The following PAFAH1B1 variants were observed in gnomAD, a reference collection of about 807,000 sequenced individuals.
The protein encoded by PAFAH1B1 is platelet activating factor acetylhydrolase 1b regulatory subunit 1.
PAFAH1B1 carries 2 observed loss-of-function variants against 57.5 expected under a neutral mutation model. The ratio of observed to expected loss-of-function variants is 0.03; its 90% CI spans 0.01 to 0.11. The LOEUF is 0.11. Among genes scored for constraint, PAFAH1B1 ranks in the 10% least tolerant of loss-of-function variants. The pLI is 1.00. For synonymous variants in PAFAH1B1, 152 were observed against 169.6 expected, an observed-to-expected ratio of 0.90 and a Z score of 0.81; for missense variants, 257 against 512.0, an observed-to-expected ratio of 0.50 and a Z score of 4.81.
intron 2 of PAFAH1B1, among the ~76,000 whole-genome samples, chr17:2,644,790 T>C (rs993221194): frequency 1.3e-5 from 2 of 152,178 alleles, no homozygotes; most frequent in African/African-American, 4.8e-5. Flanking sequence ...ATGCTTTGTA[T>C]GAACTCACTG....
At chr17:2,615,294 A>ACATGTGTATAATATACAACAACTG (rs1567529042) in intron 1 of PAFAH1B1, among the ~76,000 whole-genome samples, 1 of 152,224 alleles carries the variant, frequency 6.6e-6, no homozygotes, top group Admixed American at 6.5e-5. Context: ...GAATGACTGT[A>ACATGTGTATAATATACAACAACTG]CATGTGTATA....
intron 1 of PAFAH1B1, among the ~76,000 whole-genome samples, chr17:2,602,255 A>AAAAAAAAC (rs1342079426): frequency 6.6e-6 from 1 of 151,988 alleles, no homozygotes; most frequent in Non-Finnish European, 1.5e-5. Flanking sequence ...CCTACTGAAA[A>AAAAAAAAC]AAAAAACAAA....
Position 2,667,536 on chromosome 17 carries a change from CACTA to C in PAFAH1B1, c.399+342_399+345del, listed in dbSNP as rs544524439. ...TGGTGAATTTGAGAAAGTCGGGTGTCACTAACTGAGTTGATGTCAGTACATCACC... is the reference window on the plus strand; with the variant it reads ...TGGTGAATTTGAGAAAGTCGGGTGTCACTGAGTTGATGTCAGTACATCACC... On this transcript the variant is annotated intron_variant, in intron 5 of 10. Coordinates refer to ENST00000397195, the MANE Select transcript of PAFAH1B1 (RefSeq NM_000430.4). 2.8e-3 allele frequency: 915 copies of C among 327,890 alleles called. 26 individuals are homozygous for C. Among genetic ancestry groups the C allele is most frequent in the African/African-American group, 0.019 (879 of 46,152 alleles). The allele number at this position is 327,890 out of a possible 1,614,324, so 20.3% of individuals were successfully genotyped here. A position where few individuals can be genotyped will look rare whatever the true frequency, so the allele number is the denominator to read the frequency against.
intron 1 of PAFAH1B1, among the ~76,000 whole-genome samples, chr17:2,603,252 C>G (rs1253554175): frequency 6.6e-6 from 1 of 152,146 alleles, no homozygotes; most frequent in African/African-American, 2.4e-5. Context: ...TGGGCTCAAG[C>G]AGTCTTCTTG....
intron 1 of PAFAH1B1, among the ~76,000 whole-genome samples, chr17:2,618,524 A>G (rs2068376629): frequency 6.6e-6 from 1 of 152,068 alleles, no homozygotes; most frequent in African/African-American, 2.4e-5. Context: ...GGATTTAGCT[A>G]AAGACTGGAG....
chr17:2,621,605 G>GTTTTTTTTTT lies in PAFAH1B1; in HGVS notation c.-190-16493_-190-16492insTTTTTTTTTT, dbSNP rs2068421993. Among the ~76,000 whole-genome samples, 10 of 93,208 alleles carry GTTTTTTTTTT rather than the reference G, an allele frequency of 1.1e-4. 3 individuals are homozygous for GTTTTTTTTTT. The highest frequency in any genetic ancestry group is 3.5e-4 in the South Asian group (1 of 2,882). 61.1% of individuals were successfully genotyped at this position (93,208 alleles called of 152,430 possible). The stretch of plus-strand genomic sequence containing the variant: ...GCTATTCAAGCATGGTAGATAATCT[G>GTTTTTTTTTT]TCTTTTTTTTTTTTTTTTTTTTTTT... On this transcript the variant is annotated intron_variant, in intron 1 of 10. Coordinates refer to ENST00000397195, the MANE Select transcript of PAFAH1B1 (RefSeq NM_000430.4).
intron 1 of PAFAH1B1, among the ~76,000 whole-genome samples, chr17:2,606,810 CT>C (rs770011553): frequency 0.047 from 4,754 of 101,668 alleles, 826 homozygotes; most frequent in African/African-American, 0.16. Flanking sequence ...TGCCTCAGAG[CT>C]TTTTTTTTTT....
intron 2 of PAFAH1B1, among the ~76,000 whole-genome samples, chr17:2,643,315 C>T (rs972686328): frequency 1.1e-4 from 16 of 152,058 alleles, no homozygotes; most frequent in African/African-American, 3.4e-4. Flanking sequence ...AACGGGGTCT[C>T]GCTATATTGC....
intron 1 of PAFAH1B1, among the ~76,000 whole-genome samples, chr17:2,615,666 C>T (rs1190285687): frequency 6.6e-6 from 1 of 151,958 alleles, no homozygotes; most frequent in Non-Finnish European, 1.5e-5. Flanking sequence ...GTCTTGAACT[C>T]CTGACCTCAT....
chr17:2,636,634 A>G (rs2068627987), intron 1 of PAFAH1B1, among the ~76,000 whole-genome samples: 2 of 152,018 alleles, frequency 1.3e-5, no homozygotes, highest in Non-Finnish European at 1.5e-5. Flanking sequence ...CCTCACCTCA[A>G]GTGGTCTGCC....
chr17:2,670,328 C>G lies in PAFAH1B1; in HGVS notation c.565C>G (p.His189Asp). The change falls in exon 6 of 11, where the codon CAC becomes GAC. Residue 189 changes from histidine (H) to aspartate (D), a missense_variant. By Grantham distance (81) the His-to-Asp change is moderately conservative. Transcript: ENST00000397195. ...GGGCTTTGAATGCATCAGAACCATGCACGGTAAGGGGTAGAGGATAGTGCT... is the reference window on the plus strand; with the variant it reads ...GGGCTTTGAATGCATCAGAACCATGGACGGTAAGGGGTAGAGGATAGTGCT... Reference protein sequence around the residue: ...FQGFECIRTMHGHDHNVSSVA... With the variant: ...FQGFECIRTMDGHDHNVSSVA... 1.2e-6 allele frequency: 2 copies of G among 1,612,788 alleles called. No homozygotes were observed. Among genetic ancestry groups the G allele is most frequent in the South Asian group, 1.1e-5 (1 of 91,046 alleles).
At chr17:2,649,347 TGAATCACCTAA>T (rs903096547) in intron 2 of PAFAH1B1, among the ~76,000 whole-genome samples, 14 of 150,988 alleles carry the variant, frequency 9.3e-5, no homozygotes, top group Non-Finnish European at 1.8e-4. Context: ...CCGAGGCGGG[TGAATCACCTAA>T]GATAAGGAGT....
At chr17:2,652,044 G>A (rs1256426158) in intron 2 of PAFAH1B1, among the ~76,000 whole-genome samples, 1 of 152,068 alleles carries the variant, frequency 6.6e-6, no homozygotes, top group Non-Finnish European at 1.5e-5. Flanking sequence ...CCATAGTTTT[G>A]TCTTTTCCAG....
intron 1 of PAFAH1B1, among the ~76,000 whole-genome samples, chr17:2,634,503 C>T (rs930035993): frequency 2.0e-5 from 3 of 152,190 alleles, no homozygotes; most frequent in African/African-American, 7.2e-5. Context: ...TGGCTGTCCA[C>T]ATTGAGTCAC....
At chr17:2,651,246 A>C in intron 2 of PAFAH1B1, among the ~76,000 whole-genome samples, 2 of 152,108 alleles carry the variant, frequency 1.3e-5, no homozygotes, top group East Asian at 1.9e-4. Flanking sequence ...TTCAGGAGTC[A>C]GAAGAACATT....
chr17:2,601,726 A>G (rs1465164743), intron 1 of PAFAH1B1, among the ~76,000 whole-genome samples: 1 of 151,960 alleles, frequency 6.6e-6, no homozygotes, highest in Non-Finnish European at 1.5e-5. Context: ...ACAGGCATGC[A>G]CCACGGCGCC....
At chr17:2,620,289 TAAC>T (rs2068403129) in intron 1 of PAFAH1B1, among the ~76,000 whole-genome samples, 1 of 152,212 alleles carries the variant, frequency 6.6e-6, no homozygotes, top group African/African-American at 2.4e-5. Flanking sequence ...CTTGTAACTG[TAAC>T]ATTCACCTTA....
chr17:2,666,735 C>A (rs528323598), intron 4 of PAFAH1B1, among the ~76,000 whole-genome samples: 1 of 152,104 alleles, frequency 6.6e-6, no homozygotes, highest in Non-Finnish European at 1.5e-5. Flanking sequence ...AGATACAAAT[C>A]GAAATTTTTC....
At chr17:2,612,504 G>A (rs1048316439) in intron 1 of PAFAH1B1, among the ~76,000 whole-genome samples, 1 of 151,994 alleles carries the variant, frequency 6.6e-6, no homozygotes, top group African/African-American at 2.4e-5. Flanking sequence ...CACCATGCCC[G>A]GCCGTATCTT....
Sources: allele counts gnomAD v4.1 joint callset (sites outside exome capture counted in the v4.1 genomes callset), GRCh38; gene constraint gnomAD v4.1.1; transcripts MANE v1.5; gene names NCBI Gene and HGNC (gene_info 2026-07-23, HGNC 2026-07-21).